The following COL11A1 variants were observed in gnomAD, a reference collection of about 807,000 sequenced individuals.
The protein encoded by COL11A1 is collagen alpha-1(XI) chain.
In COL11A1, 74 loss-of-function variants were observed where a neutral mutation model predicts 265.2. The ratio of observed to expected loss-of-function variants is 0.28; its 90% confidence interval spans 0.23 to 0.34. COL11A1 has a LOEUF of 0.34. Among genes scored for constraint, COL11A1 ranks in the 10% least tolerant of loss-of-function variants. The pLI is 1.00. For synonymous variants in COL11A1, 816 were observed against 727.6 expected (o/e 1.12, Z -1.96); for missense variants, 2,165 against 2,263.6 (o/e 0.96, Z 0.88).
chr1:103,073,243 GGAAA>G (rs973155020), intron 4 of COL11A1, among the ~76,000 whole-genome samples: 33 of 151,728 alleles, frequency 2.2e-4, no homozygotes, highest in Non-Finnish European at 3.4e-4. Context: ...TTTTAAAAAA[GGAAA>G]GAAATTCCAC....
intron 15 of COL11A1, 109 bp from the exon 16 acceptor site, chr1:103,006,424 A>G (rs928634981): frequency 1.2e-5 from 8 of 682,400 alleles, no homozygotes; most frequent in African/African-American, 5.5e-5. Context: ...GCGTTACCTT[A>G]ATCATTCAAA....
At chr1:102,881,993 C>T (rs1239067292) in intron 64 of COL11A1, among the ~76,000 whole-genome samples, 1 of 151,946 alleles carries the variant, frequency 6.6e-6, no homozygotes, top group Non-Finnish European at 1.5e-5. Flanking sequence ...TTTTTGTTGT[C>T]TTTATCAGCT....
At chr1:102,955,288 G>A (rs1270217494) in intron 41 of COL11A1, among the ~76,000 whole-genome samples, 1 of 152,154 alleles carries the variant, frequency 6.6e-6, no homozygotes, top group Non-Finnish European at 1.5e-5. Context: ...ATTATGATAG[G>A]AAGAGAATGT....
intron 4 of COL11A1, among the ~76,000 whole-genome samples, chr1:103,045,367 G>A (rs938697304): frequency 1.3e-4 from 20 of 152,124 alleles, no homozygotes; most frequent in Admixed American, 2.0e-4. Flanking sequence ...ATGCTGCTTA[G>A]AGAACAGATG....
intron 4 of COL11A1, among the ~76,000 whole-genome samples, chr1:103,036,316 G>T (rs1668363102): frequency 1.7e-5 from 1 of 58,376 alleles, no homozygotes; most frequent in Non-Finnish European, 3.5e-5. Context: ...CAAAAAAGTT[G>T]CTATCGTATA....
chr1:102,934,181 GA>G (rs1657903027), intron 46 of COL11A1, among the ~76,000 whole-genome samples: 1 of 152,280 alleles, frequency 6.6e-6, no homozygotes, highest in South Asian at 2.1e-4. Context: ...TGGGAGTGAA[GA>G]AAGGAAGTGT....
intron 58 of COL11A1, among the ~76,000 whole-genome samples, 165 bp from the exon 59 acceptor site, chr1:102,889,727 C>T (rs1651507123): frequency 6.6e-6 from 1 of 152,072 alleles, no homozygotes; most frequent in South Asian, 2.1e-4. Context: ...TAAGAATCTC[C>T]TTCTCATCAC....
intron 63 of COL11A1, among the ~76,000 whole-genome samples, chr1:102,885,373 G>T (rs938270214): frequency 2.6e-5 from 4 of 151,758 alleles, no homozygotes; most frequent in Admixed American, 6.6e-5. Context: ...CACTTCATTT[G>T]AAATATTTGA....
intron 1 of COL11A1, 102 bp from the exon 2 acceptor site, chr1:103,083,074 C>A (rs980802556): frequency 1.8e-6 from 2 of 1,115,358 alleles, no homozygotes; most frequent in Non-Finnish European, 2.6e-6. Context: ...TACCTTGAAT[C>A]TATTTATCAC....
At chr1:102,919,975 T>C (rs571771726) in intron 49 of COL11A1, among the ~76,000 whole-genome samples, 1 of 152,174 alleles carries the variant, frequency 6.6e-6, no homozygotes, top group East Asian at 1.9e-4. Flanking sequence ...CCTAGCTTAG[T>C]CACTTTCTAA....
At chr1:103,011,834 A>AT (rs895553489) in intron 14 of COL11A1, among the ~76,000 whole-genome samples, 18 of 152,222 alleles carry the variant, frequency 1.2e-4, no homozygotes, top group East Asian at 9.6e-4. Flanking sequence ...GTATTTGAAG[A>AT]TTTTTTAGAC....
Position 103,078,856 on chromosome 1 carries a change from T to C in COL11A1, c.290A>G (p.Glu97Gly). Residue 97 changes from glutamate (E) to glycine (G), a missense_variant, in exon 3 of 67, where the codon GAA becomes GGA. By Grantham distance (98) the Glu-to-Gly change is moderately conservative. Transcript: ENST00000370096. The stretch of plus-strand genomic sequence containing the variant: ...TACTGTAAATAGTATTGAAAAGTCT[T>C]CTGGGAAAGTTCCACCTGAGAAGAA... ...KQLFPGGTFP[E>G]DFSILFTVKP... is the part of the protein sequence containing the mutation. 1 of 1,609,250 alleles carries C rather than the reference T, an allele frequency of 6.2e-7. No homozygotes were observed. Among genetic ancestry groups the C allele is most frequent in the South Asian group, 1.1e-5 (1 of 90,808 alleles).
chr1:103,074,482 G>A (rs796699217), intron 4 of COL11A1, 136 bp downstream of exon 4: 5 of 902,860 alleles, frequency 5.5e-6, no homozygotes, highest in African/African-American at 5.0e-5. Flanking sequence ...TATACTCACA[G>A]AGGAAGAAAC....
chr1:102,968,898 A>T (rs918755998), intron 37 of COL11A1, among the ~76,000 whole-genome samples: 6 of 152,198 alleles, frequency 3.9e-5, no homozygotes, highest in African/African-American at 1.4e-4. Context: ...AAAGGACTTT[A>T]TAACAGTAAT....
In COL11A1 at chr1:102,920,384, A is replaced by G; in HGVS notation, c.3709-20T>C. ...TGGTCCCTGCAGTGTAGAAAAAGGA[A>G]TGTAATTATCCATATTCTTATTAAA... On this transcript the variant is annotated intron_variant, in intron 48 of 66. Transcript: ENST00000370096. The G allele has an allele frequency of 2.5e-6, 4 of 1,605,546 alleles. No individual in the cohort carries two copies. The highest frequency in any genetic ancestry group is 3.4e-6 in the Non-Finnish European group (4 of 1,172,442).
At position 102,995,864 on chromosome 1, in the gene COL11A1, C is replaced by A; in HGVS notation, c.2340G>T (p.Lys780Asn). The change falls in exon 28 of 67, where the codon AAG becomes AAT. Residue 780 changes from lysine to asparagine, a missense_variant and splice_region_variant. Physicochemically the swap from Lys to Asn is moderately conservative, Grantham distance 94. Transcript: ENST00000370096. ...TACCATCTAAACAATTAAATTTTAC[C>A]TTTTCACCTTTAGATCCCTTGAGAC... is the stretch of plus-strand genomic sequence containing the variant. ...VRGLKGSKGE[K>N]GEDGFPGFKG... 1 of 1,607,518 alleles carries A rather than the reference C, an allele frequency of 6.2e-7. No homozygotes were observed. Among genetic ancestry groups the A allele is most frequent in the Non-Finnish European group, 8.5e-7 (1 of 1,175,892 alleles).
At chr1:102,975,170 A>G (rs1662347061) in intron 35 of COL11A1, among the ~76,000 whole-genome samples, 1 of 151,646 alleles carries the variant, frequency 6.6e-6, no homozygotes, top group South Asian at 2.1e-4. Flanking sequence ...ACATGTAAGT[A>G]TTGAGAAGTT....
In COL11A1 at chr1:103,038,700, A is replaced by T. The variant is rs540585338; in HGVS notation, c.652-7456T>A. ...AATAGATTGATCAATGTTGTATTTT[A>T]AAAAAATCACTTTGACAGCAAAAGG... On this transcript the variant is annotated intron_variant, in intron 4 of 66. Coordinates refer to ENST00000370096, the MANE Select transcript of COL11A1 (RefSeq NM_001854.4). Among the ~76,000 whole-genome samples the T allele has an allele frequency of 1.6e-3, 239 of 152,274 alleles. 1 individual carries two copies. The highest frequency in any genetic ancestry group is 3.4e-3 in the Middle Eastern group (1 of 294).
chr1:102,901,137 C>A (rs1007083474), intron 54 of COL11A1, among the ~76,000 whole-genome samples: 3 of 151,862 alleles, frequency 2.0e-5, no homozygotes, highest in African/African-American at 7.3e-5. Context: ...TGGGCCAACA[C>A]AGTGAAACCC....
Sources: gnomAD v4.1 joint callset for allele counts (sites outside exome capture counted in the v4.1 genomes callset) on GRCh38, gnomAD v4.1.1 for gene constraint, MANE v1.5 for transcripts, NCBI Gene and HGNC (gene_info 2026-07-23, HGNC 2026-07-21) for gene names.